The following NEK11 variants were observed in gnomAD, a reference collection of about 807,000 sequenced individuals.
The protein encoded by NEK11 is NIMA related kinase 11.
NEK11 carries 72 observed loss-of-function variants against 80.7 expected under a neutral mutation model. That is an observed-to-expected ratio of 0.89 (90% CI 0.74 to 1.08). The LOEUF (loss-of-function observed/expected upper bound fraction) is 1.08. NEK11 is among the 50% of genes least tolerant of loss of function. The pLI is 0.00. For missense variants in NEK11, 764 were observed against 763.6 expected, an observed-to-expected ratio of 1.00 and a Z score of -0.01; for synonymous variants, 251 against 260.7, an observed-to-expected ratio of 0.96 and a Z score of 0.36.
chr3:131,189,904 T>C (rs990128141), intron 14 of NEK11, among the ~76,000 whole-genome samples: 1 of 152,208 alleles, frequency 6.6e-6, no homozygotes, highest in African/African-American at 2.4e-5. Context: ...ACTACTATTT[T>C]ACTAATTTTC....
At chr3:131,250,537 C>T (rs1030799609) in intron 16 of NEK11, among the ~76,000 whole-genome samples, 10 of 151,986 alleles carry the variant, frequency 6.6e-5, no homozygotes, top group Non-Finnish European at 2.9e-5. Context: ...AGAGGATATG[C>T]GTCATCAAAC....
chr3:131,238,105 C>T (rs1193538098), intron 15 of NEK11, among the ~76,000 whole-genome samples: 1 of 152,144 alleles, frequency 6.6e-6, no homozygotes, highest in African/African-American at 2.4e-5. Flanking sequence ...CTTGAATGCT[C>T]TTCCCACCAG....
intron 5 of NEK11, among the ~76,000 whole-genome samples, chr3:131,112,431 G>A (rs1474694374): frequency 6.6e-6 from 1 of 152,080 alleles, no homozygotes; most frequent in Non-Finnish European, 1.5e-5. Flanking sequence ...GGTTTTGCCT[G>A]GAAGGGGCAC....
intron 3 of NEK11, among the ~76,000 whole-genome samples, chr3:131,047,464 G>A (rs2067585221): frequency 6.6e-6 from 1 of 152,168 alleles, no homozygotes; most frequent in African/African-American, 2.4e-5. Context: ...TCTCATGAGG[G>A]TGCTCCCTTG....
intron 17 of NEK11, among the ~76,000 whole-genome samples, chr3:131,285,922 C>T (rs2108884192): frequency 6.6e-6 from 1 of 152,304 alleles, no homozygotes; most frequent in Non-Finnish European, 1.5e-5. Flanking sequence ...TCTGGGTTTG[C>T]AACTTGGCTA....
At chr3:131,167,030 A>G (rs2092300808) in intron 12 of NEK11, among the ~76,000 whole-genome samples, 1 of 152,238 alleles carries the variant, frequency 6.6e-6, no homozygotes, top group Non-Finnish European at 1.5e-5. Flanking sequence ...GAGTTTGTTA[A>G]TGTGTAAAGT....
chr3:131,035,703 T>G (rs150843187), intron 3 of NEK11, among the ~76,000 whole-genome samples: 6 of 152,300 alleles, frequency 3.9e-5, no homozygotes, highest in African/African-American at 1.4e-4. Flanking sequence ...TTGTGCACCC[T>G]CCCACCATTT....
chr3:131,063,952 TAAAC>T (rs2071394095), intron 3 of NEK11, among the ~76,000 whole-genome samples: 1 of 152,036 alleles, frequency 6.6e-6, no homozygotes, highest in South Asian at 2.1e-4. Flanking sequence ...GATAAATGGA[TAAAC>T]AAAATATGGT....
At chr3:131,206,038 C>A (rs536764955) in intron 14 of NEK11, among the ~76,000 whole-genome samples, 1 of 152,258 alleles carries the variant, frequency 6.6e-6, no homozygotes, top group African/African-American at 2.4e-5. Flanking sequence ...TCTCTGAGCC[C>A]CTTAGTGCTG....
intron 3 of NEK11, among the ~76,000 whole-genome samples, chr3:131,041,070 A>G (rs2066399769): frequency 6.6e-6 from 1 of 152,134 alleles, no homozygotes; most frequent in African/African-American, 2.4e-5. Flanking sequence ...AAATGCATAC[A>G]CTGTGAGTTT....
intron 10 of NEK11, among the ~76,000 whole-genome samples, chr3:131,158,058 A>G (rs567155341): frequency 1.1e-3 from 161 of 152,218 alleles, no homozygotes; most frequent in Non-Finnish European, 2.0e-3. Context: ...TGAACTCTGC[A>G]GGCAGTCTTA....
intron 14 of NEK11, among the ~76,000 whole-genome samples, chr3:131,215,970 A>G (rs111795492): frequency 0.016 from 2,425 of 152,348 alleles, 69 homozygotes; most frequent in African/African-American, 0.056. Context: ...TAATTTTGTC[A>G]CAGGTGACTA....
chr3:131,334,274 AC>A (rs2097144156), intron 17 of NEK11, among the ~76,000 whole-genome samples: 1 of 152,220 alleles, frequency 6.6e-6, no homozygotes, highest in Non-Finnish European at 1.5e-5. Flanking sequence ...TGTCTCTCAG[AC>A]CACAGTGCAA....
intron 3 of NEK11, among the ~76,000 whole-genome samples, chr3:131,052,002 AACC>A (rs1266328441): frequency 6.6e-6 from 1 of 152,202 alleles, no homozygotes; most frequent in Non-Finnish European, 1.5e-5. Flanking sequence ...CCCAAAAGGT[AACC>A]ACTGTTAAGA....
intron 16 of NEK11, among the ~76,000 whole-genome samples, chr3:131,258,430 G>T (rs1471314495): frequency 1.3e-5 from 2 of 152,148 alleles, no homozygotes; most frequent in African/African-American, 4.8e-5. Context: ...TTACAGAAAA[G>T]CAGGTTTTGT....
intron 15 of NEK11, among the ~76,000 whole-genome samples, chr3:131,230,367 C>T (rs552975272): frequency 6.6e-6 from 1 of 152,246 alleles, no homozygotes; most frequent in African/African-American, 2.4e-5. Flanking sequence ...AATTACTGAA[C>T]TTCACTGTGC....
At chr3:131,096,612 C>T (rs1208393854) in intron 4 of NEK11, among the ~76,000 whole-genome samples, 5 of 152,120 alleles carry the variant, frequency 3.3e-5, no homozygotes, top group Non-Finnish European at 7.4e-5. Context: ...AAACTGCTTT[C>T]CACAGTGGCT....
intron 10 of NEK11, 111 bp from the exon 11 acceptor site, chr3:131,162,297 T>C (rs2091695241): frequency 7.3e-7 from 1 of 1,369,206 alleles, no homozygotes; most frequent in East Asian, 2.4e-5. Context: ...CTGGCCTGTC[T>C]CAAGATGCTT....
At chr3:131,331,731 G>A (rs530342878) in intron 17 of NEK11, among the ~76,000 whole-genome samples, 14 of 152,314 alleles carry the variant, frequency 9.2e-5, no homozygotes, top group South Asian at 6.2e-4. Flanking sequence ...GGTGACAGAC[G>A]GCACCTGGAA....
Sources: gnomAD v4.1 joint callset for allele counts (sites outside exome capture counted in the v4.1 genomes callset) on GRCh38, gnomAD v4.1.1 for gene constraint, MANE v1.5 for transcripts, NCBI Gene and HGNC (gene_info 2026-07-23, HGNC 2026-07-21) for gene names.